MALRD1: variants seen among roughly 807,000 people sequenced by gnomAD.
MALRD1 encodes MAM and LDL receptor class A domain containing 1, also known as MAM and LDL-receptor class A domain-containing protein 1.
A neutral mutation model predicts 242.1 loss-of-function variants in MALRD1; 247 were observed. The ratio of observed to expected loss-of-function variants is 1.02; its 90% CI spans 0.92 to 1.13. MALRD1 has a LOEUF of 1.13. MALRD1 is among the 50% of genes most tolerant of loss of function. The pLI is 0.00. For synonymous variants in MALRD1, 995 were observed against 866.6 expected (o/e 1.15, Z -2.60); for missense variants, 2,989 against 2,533.1 (o/e 1.18, Z -3.86).
At chr10:19,727,826 G>T (rs991638771) in intron 38 of MALRD1, among the ~76,000 whole-genome samples, 10 of 151,784 alleles carry the variant, frequency 6.6e-5, no homozygotes, top group African/African-American at 2.2e-4. Flanking sequence ...TTCAGAACTG[G>T]CAGGAAACTT....
At chr10:19,235,613 A>AGAGAGAGAGCGC (rs769851042) in intron 18 of MALRD1, among the ~76,000 whole-genome samples, 1 of 143,740 alleles carries the variant, frequency 7.0e-6, no homozygotes, top group Non-Finnish European at 1.5e-5. Flanking sequence ...AGAGAGAGAG[A>AGAGAGAGAGCGC]GCGCCTAGGT....
chr10:19,341,452 GTGTATATATA>G (rs1564576987), intron 24 of MALRD1, among the ~76,000 whole-genome samples: 3 of 126,220 alleles, frequency 2.4e-5, no homozygotes, highest in African/African-American at 8.7e-5. Context: ...ATATATATAT[GTGTATATATA>G]TGTATATATG....
intron 36 of MALRD1, among the ~76,000 whole-genome samples, chr10:19,682,136 G>C (rs935143134): frequency 1.3e-5 from 2 of 152,114 alleles, no homozygotes; most frequent in African/African-American, 4.8e-5. Context: ...AATTCAAGTT[G>C]ATTAAAAGTA....
chr10:19,064,775 A>AG (rs1834921174), intron 1 of MALRD1, among the ~76,000 whole-genome samples: 1 of 145,924 alleles, frequency 6.9e-6, no homozygotes, highest in African/African-American at 2.8e-5. Flanking sequence ...GTCTCAAAAA[A>AG]AAAAAAAAAA....
At chr10:19,639,065 A>T (rs1433533128) in intron 36 of MALRD1, among the ~76,000 whole-genome samples, 3 of 152,184 alleles carry the variant, frequency 2.0e-5, no homozygotes, top group African/African-American at 7.2e-5. Flanking sequence ...AGTAAAAATT[A>T]GGAAATGGAA....
chr10:19,605,420 G>A (rs1036638241), intron 34 of MALRD1, among the ~76,000 whole-genome samples: 15 of 151,132 alleles, frequency 9.9e-5, no homozygotes, highest in Middle Eastern at 3.4e-3. Flanking sequence ...TGCCCACCTC[G>A]GCATTCCAAA....
chr10:19,162,820 A>T (rs1834490816), intron 12 of MALRD1, among the ~76,000 whole-genome samples: 1 of 151,974 alleles, frequency 6.6e-6, no homozygotes, highest in Non-Finnish European at 1.5e-5. Context: ...TGGTACATAT[A>T]CCCACAGTAC....
rs199726861 is a variant in MALRD1 at position 19,393,723 on chromosome 10, T to TG, written c.4845+4116dup. Among the ~76,000 whole-genome samples, 172 of 151,904 alleles carry TG rather than the reference T, an allele frequency of 1.1e-3. No homozygotes were observed. In the Middle Eastern group the frequency reaches 0.017, roughly 15 times the overall value. The stretch of plus-strand genomic sequence containing the variant: ...TGCCCACCTTGGCCTCCCAAAGTGC[T>TG]GGATTACAGGCGTGAGCCACCGCGC... On this transcript the variant is annotated intron_variant, in intron 28 of 39. Coordinates refer to ENST00000454679, the MANE Select transcript of MALRD1 (RefSeq NM_001142308.3).
chr10:19,373,505 G>A (rs1469003161), intron 26 of MALRD1, among the ~76,000 whole-genome samples: 3 of 149,884 alleles, frequency 2.0e-5, no homozygotes, highest in African/African-American at 4.9e-5. Flanking sequence ...GGTGACAAAA[G>A]CAAAACTCTG....
intron 24 of MALRD1, among the ~76,000 whole-genome samples, chr10:19,344,907 T>G (rs1412977377): frequency 1.3e-5 from 2 of 152,052 alleles, no homozygotes; most frequent in Non-Finnish European, 2.9e-5. Context: ...AGAAAATAGT[T>G]TGATTGATGA....
chr10:19,686,134 G>A (rs1842573419), intron 36 of MALRD1, among the ~76,000 whole-genome samples: 2 of 152,006 alleles, frequency 1.3e-5, no homozygotes, highest in African/African-American at 2.4e-5. Context: ...AAGTTTTAGA[G>A]CAGGAGTGAA....
rs567549690 is a variant in MALRD1 at position 19,313,782 on chromosome 10, T to G, written c.3420-10167T>G. Among the ~76,000 whole-genome samples the G allele has an allele frequency of 5.3e-5, 8 of 151,604 alleles. No homozygotes were observed. In the South Asian group the frequency reaches 6.2e-4, roughly 12 times the overall value. ...ATGTGTTTATACTTGCCCCATAAAGTGTTATTCTCCAGTGAATGTCATACA... is the reference window on the plus strand; with the variant it reads ...ATGTGTTTATACTTGCCCCATAAAGGGTTATTCTCCAGTGAATGTCATACA... On this transcript the variant is annotated intron_variant, in intron 21 of 39. Coordinates refer to ENST00000454679, the MANE Select transcript of MALRD1 (RefSeq NM_001142308.3).
intron 36 of MALRD1, among the ~76,000 whole-genome samples, chr10:19,684,819 A>G (rs765085212): frequency 1.3e-5 from 2 of 152,206 alleles, no homozygotes; most frequent in African/African-American, 2.4e-5. Context: ...GTGAAACAAA[A>G]TTATAAATCG....
intron 36 of MALRD1, among the ~76,000 whole-genome samples, chr10:19,659,117 A>G (rs1461381679): frequency 6.6e-6 from 1 of 152,194 alleles, no homozygotes; most frequent in African/African-American, 2.4e-5. Context: ...TTCCTATTTC[A>G]GTCTTCTGCT....
At chr10:19,453,003 G>C (rs775524930) in intron 29 of MALRD1, among the ~76,000 whole-genome samples, 1 of 152,092 alleles carries the variant, frequency 6.6e-6, no homozygotes, top group African/African-American at 2.4e-5. Context: ...TATTAAATAC[G>C]TTAAAATATG....
chr10:19,677,118 A>G (rs752706352), intron 36 of MALRD1, among the ~76,000 whole-genome samples: 9 of 152,290 alleles, frequency 5.9e-5, no homozygotes, highest in Non-Finnish European at 8.8e-5. Flanking sequence ...TAGTGCTGCA[A>G]TGAACATATG....
At chr10:19,551,683 G>T (rs76057341) in intron 32 of MALRD1, among the ~76,000 whole-genome samples, 2 of 151,972 alleles carry the variant, frequency 1.3e-5, no homozygotes, top group Non-Finnish European at 2.9e-5. Context: ...TCTTGAAAGC[G>T]GAATGCTTCT....
At chr10:19,661,882 C>T (rs1257020380) in intron 36 of MALRD1, among the ~76,000 whole-genome samples, 1 of 151,926 alleles carries the variant, frequency 6.6e-6, no homozygotes, top group Non-Finnish European at 1.5e-5. Flanking sequence ...AGGAAAACAG[C>T]CTTAACTGCT....
chr10:19,409,253 C>A (rs905194810), intron 28 of MALRD1, among the ~76,000 whole-genome samples: 1 of 152,090 alleles, frequency 6.6e-6, no homozygotes, highest in Non-Finnish European at 1.5e-5. Context: ...TTTTTGATTC[C>A]ATTCATATGA....
Sources: allele counts gnomAD v4.1 joint callset (sites outside exome capture counted in the v4.1 genomes callset), GRCh38; gene constraint gnomAD v4.1.1; transcripts MANE v1.5; gene names NCBI Gene and HGNC (gene_info 2026-07-23, HGNC 2026-07-21).